Variants in INTS8 observed in about 807,000 individuals in gnomAD.
The protein encoded by INTS8 is integrator complex subunit 8, also known as protein kaonashi-1.
In INTS8, 47 loss-of-function variants were observed where a neutral mutation model predicts 138.9. The observed-to-expected ratio is 0.34, with a 90% CI of 0.27 to 0.43. The LOEUF is 0.43. Among genes scored for constraint, INTS8 ranks in the 20% least tolerant of loss-of-function variants. The pLI, the probability that INTS8 is intolerant of heterozygous loss-of-function variation, is 1.00. For synonymous variants in INTS8, 392 were observed against 400.9 expected (o/e 0.98, Z 0.27); for missense variants, 996 against 1,173.0 (o/e 0.85, Z 2.20).
chr8:94,844,027 T>TC (rs11435073), intron 10 of INTS8, among the ~76,000 whole-genome samples: 1 of 21,938 alleles, frequency 4.6e-5, no homozygotes, highest in Non-Finnish European at 1.2e-4. Context: ...AGAGTTCTGC[T>TC]TTTTTTTTTT....
At chr8:94,855,690 A>G (rs1815720336) in intron 14 of INTS8, among the ~76,000 whole-genome samples, 2 of 152,230 alleles carry the variant, frequency 1.3e-5, no homozygotes, top group South Asian at 4.1e-4. Context: ...AAGTGTCACA[A>G]GTGTTACAAG....
intron 5 of INTS8, among the ~76,000 whole-genome samples, chr8:94,830,537 G>A (rs1329208460): frequency 6.6e-6 from 1 of 152,072 alleles, no homozygotes; most frequent in Non-Finnish European, 1.5e-5. Context: ...TGACTCTGTT[G>A]CCCAGGCTAC....
chr8:94,845,841 A>G (rs1424743417), intron 10 of INTS8, among the ~76,000 whole-genome samples: 1 of 152,216 alleles, frequency 6.6e-6, no homozygotes, highest in East Asian at 1.9e-4. Context: ...TTGGAATTAC[A>G]TTAAATTTAG....
rs1312930943 is a variant in INTS8, at chr8:94,827,242, TG to T, written c.306-20del. The stretch of plus-strand genomic sequence containing the variant: ...TTCTTTCACAATTAATGTGCAAACA[TG>T]TACGTTTTGCTTCTTCAAGTTTGTC... On this transcript the variant is annotated intron_variant, in intron 2 of 26. Transcript: ENST00000523731. The T allele has an allele frequency of 3.1e-6, 5 of 1,607,288 alleles. No homozygotes were observed. The highest frequency in any genetic ancestry group is 4.3e-6 in the Non-Finnish European group (5 of 1,174,446).
chr8:94,859,658 T>C (rs1300466503), intron 16 of INTS8, 26 bp downstream of exon 16: 2 of 1,566,876 alleles, frequency 1.3e-6, no homozygotes, highest in Non-Finnish European at 1.8e-6. Flanking sequence ...ATAAAAGGAT[T>C]GTTAGGATGG....
intron 5 of INTS8, among the ~76,000 whole-genome samples, chr8:94,830,321 T>C (rs1218581973): frequency 6.6e-6 from 1 of 152,198 alleles, no homozygotes; most frequent in East Asian, 1.9e-4. Flanking sequence ...GTGTAGGGGC[T>C]GGGTGAGGAG....
intron 26 of INTS8, chr8:94,876,732 A>C: frequency 2.5e-6 from 1 of 402,678 alleles, no homozygotes; most frequent in Non-Finnish European, 4.4e-6. Context: ...TTCTCATCTC[A>C]TACAAAGTTA....
chr8:94,865,822 T>TA (rs1267493074), intron 17 of INTS8, 132 bp downstream of exon 17: 3 of 865,488 alleles, frequency 3.5e-6, no homozygotes, highest in African/African-American at 3.4e-5. Context: ...TGGACAATCT[T>TA]ACGAGTTCTG....
intron 20 of INTS8, among the ~76,000 whole-genome samples, chr8:94,871,362 C>T (rs1816391333): frequency 6.6e-6 from 1 of 151,406 alleles, no homozygotes; most frequent in South Asian, 2.1e-4. Flanking sequence ...CCTGTAATCC[C>T]AGCTACTCAG....
intron 10 of INTS8, among the ~76,000 whole-genome samples, chr8:94,848,116 C>G (rs913523129): frequency 1.3e-5 from 2 of 151,378 alleles, no homozygotes; most frequent in Non-Finnish European, 1.5e-5. Flanking sequence ...TGAAGTGATT[C>G]TCCTGCCTCA....
chr8:94,867,148 C>T lies in INTS8; in HGVS notation c.2304C>T (p.Leu768=), dbSNP rs777107385. Residue 768 remains leucine, a synonymous_variant, in exon 19 of 27, where the codon CTC becomes CTT. Transcript: ENST00000523731. ...LSFIKKLREP[L]VLTIILSLFV... is the part of the protein sequence containing the mutation. ...TGTTTTCTTTCTCATAGGAACCACT[C>T]GTTTTGACTATTATTTTATCACTCT... 7.8e-5 allele frequency: 125 copies of T among 1,607,306 alleles called. No individual in the cohort carries two copies. Among genetic ancestry groups the T allele is most frequent in the Non-Finnish European group, 1.0e-4 (121 of 1,175,686 alleles).
At position 94,838,560 on chromosome 8, in the gene INTS8, C is replaced by G. The variant is rs755022101; in HGVS notation, c.959C>G (p.Ser320Cys). The G allele has an allele frequency of 1.9e-6, 3 of 1,612,784 alleles. No individual in the cohort carries two copies. The East Asian group carries it at 6.7e-5, about 36-fold the overall frequency. Residue 320 changes from serine (S) to cysteine (C), a missense_variant, in exon 8 of 27, where the codon TCT becomes TGT. Ser to Cys is a moderately radical substitution (Grantham distance 112). Transcript: ENST00000523731. The part of the protein sequence containing the change: ...DVLVPSSDST[S>C]QQLTPYSQVH... ...CTTGTACCTTCTTCTGATAGTACAT[C>G]TCAACAGTTGACTCCATATAGTCAA...
intron 16 of INTS8, among the ~76,000 whole-genome samples, chr8:94,861,162 C>T (rs1013192242): frequency 6.6e-6 from 1 of 150,914 alleles, no homozygotes; most frequent in East Asian, 1.9e-4. Context: ...TCTTCCTTCA[C>T]GTATGTCCTT....
intron 20 of INTS8, among the ~76,000 whole-genome samples, chr8:94,869,052 G>A (rs1284054361): frequency 8.8e-5 from 13 of 147,970 alleles, no homozygotes; most frequent in East Asian, 4.0e-4. Flanking sequence ...GCGCAATCTC[G>A]GCTCTCCACA....
intron 16 of INTS8, among the ~76,000 whole-genome samples, chr8:94,861,853 G>A (rs1274101822): frequency 6.7e-6 from 1 of 149,404 alleles, no homozygotes; most frequent in South Asian, 2.2e-4. Flanking sequence ...GCCCGGCCCG[G>A]CCCTTTTTGT....
chr8:94,856,227 C>T lies in INTS8; in HGVS notation c.1753-550C>T, dbSNP rs554646472. 2.6e-4 allele frequency among the ~76,000 whole-genome samples: 39 copies of T among 152,296 alleles called. No individual in the cohort carries two copies. In the South Asian group the frequency reaches 7.5e-3, roughly 29 times the overall value. On this transcript the variant is annotated intron_variant, in intron 14 of 26. Transcript: ENST00000523731. ...AAAGATCTTTGGCTTGTGAGAGTTA[C>T]TTCTTTGTAATGATGGGGGTAGAAG...
Position 94,856,958 on chromosome 8 carries a change from A to C in INTS8, c.1934A>C (p.Tyr645Ser). 6.2e-7 allele frequency: 1 copy of C among 1,613,964 alleles called. No individual in the cohort carries two copies. The highest frequency in any genetic ancestry group is 8.5e-7 in the Non-Finnish European group (1 of 1,179,918). Residue 645 changes from tyrosine (Y) to serine (S), a missense_variant, in exon 15 of 27, where the codon TAT (tyrosine) becomes TCT (serine). Transcript: ENST00000523731. ...PSDLISRVRG[Y>S]LEMRLPDIPL... ...GACCTTATAAGTAGAGTACGAGGCT[A>C]TCTGGAAATGAGGCTTCCTGGTAAG...
chr8:94,866,945 G>A, intron 18 of INTS8, 195 bp from the exon 19 acceptor site: 1 of 523,532 alleles, frequency 1.9e-6, no homozygotes, highest in Non-Finnish European at 3.4e-6. Context: ...TAAATTATGT[G>A]CTATGGTCCA....
In INTS8 at chr8:94,876,605, T is replaced by C. The variant is rs549307566; in HGVS notation, c.2871+116T>C. 1.3e-4 allele frequency: 78 copies of C among 588,372 alleles called. 1 individual carries two copies. Among genetic ancestry groups the C allele is most frequent in the South Asian group, 1.3e-3 (51 of 39,794 alleles). 36.4% of individuals were successfully genotyped at this position (588,372 alleles called of 1,614,324 possible). On this transcript the variant is annotated intron_variant, in intron 26 of 26. Transcript: ENST00000523731. ...TACCTAGTTACTGCCAGAATTTTAT[T>C]ATCAGTGTTTACTTTATAAAAGATC...
Sources: gnomAD v4.1 joint callset for allele counts (sites outside exome capture counted in the v4.1 genomes callset) on GRCh38, gnomAD v4.1.1 for gene constraint, MANE v1.5 for transcripts, NCBI Gene and HGNC (gene_info 2026-07-23, HGNC 2026-07-21) for gene names.